CSMD1: variants seen among roughly 807,000 people sequenced by gnomAD.
CSMD1 encodes the protein CUB and sushi domain-containing protein 1.
In CSMD1, 213 loss-of-function variants were observed where a neutral mutation model predicts 417.5. The ratio of observed to expected loss-of-function variants is 0.51; its 90% CI spans 0.46 to 0.57. The LOEUF (loss-of-function observed/expected upper bound fraction) is 0.57. Among genes scored for constraint, CSMD1 ranks in the 20% least tolerant of loss-of-function variants. The pLI is 0.00. For synonymous variants in CSMD1, 2,862 were observed against 1,736.8 expected, an observed-to-expected ratio of 1.65 and a Z score of -16.11; for missense variants, 6,923 against 4,529.7, an observed-to-expected ratio of 1.53 and a Z score of -15.17.
intron 2 of CSMD1, among the ~76,000 whole-genome samples, chr8:4,537,316 G>C (rs969232049): frequency 6.6e-6 from 1 of 152,146 alleles, no homozygotes; most frequent in African/African-American, 2.4e-5. Flanking sequence ...TGCTGTTAAA[G>C]ATGCGACTTA....
At chr8:4,100,495 C>T (rs960758732) in intron 3 of CSMD1, among the ~76,000 whole-genome samples, 1 of 152,126 alleles carries the variant, frequency 6.6e-6, no homozygotes, top group Non-Finnish European at 1.5e-5. Context: ...TTAGTCTCAT[C>T]AACTATAAAA....
intron 3 of CSMD1, among the ~76,000 whole-genome samples, chr8:4,141,096 C>G (rs1352867041): frequency 6.6e-6 from 1 of 151,232 alleles, no homozygotes; most frequent in Admixed American, 6.6e-5. Flanking sequence ...TTCCCATTTT[C>G]AGATCTCATA....
At chr8:4,192,800 A>G (rs539423689) in intron 3 of CSMD1, among the ~76,000 whole-genome samples, 3 of 152,072 alleles carry the variant, frequency 2.0e-5, no homozygotes, top group African/African-American at 4.8e-5. Context: ...CTCAAACACA[A>G]CCTCCTCACT....
At chr8:4,416,692 A>G (rs902057880) in intron 3 of CSMD1, among the ~76,000 whole-genome samples, 3 of 152,110 alleles carry the variant, frequency 2.0e-5, no homozygotes, top group African/African-American at 7.2e-5. Context: ...ATGACCGTGT[A>G]TCACCCAGTC....
intron 2 of CSMD1, among the ~76,000 whole-genome samples, chr8:4,628,246 C>A (rs1404217848): frequency 6.6e-6 from 1 of 151,318 alleles, no homozygotes; most frequent in African/African-American, 2.4e-5. Context: ...ATGAAGGAAA[C>A]TAATTCTTGG....
chr8:3,399,342 G>T, intron 16 of CSMD1, 49 bp downstream of exon 16: 1 of 1,508,226 alleles, frequency 6.6e-7, no homozygotes, highest in South Asian at 1.4e-5. Flanking sequence ...TAAAACTATG[G>T]AAGAGACACA....
At chr8:3,310,700 G>T (rs1329231969) in intron 23 of CSMD1, among the ~76,000 whole-genome samples, 1 of 152,050 alleles carries the variant, frequency 6.6e-6, no homozygotes, top group African/African-American at 2.4e-5. Flanking sequence ...CTTTTTGAGG[G>T]GTGAGGGCCG....
chr8:3,616,930 A>T (rs535783242), intron 7 of CSMD1, 133 bp from the exon 8 acceptor site: 12 of 526,144 alleles, frequency 2.3e-5, no homozygotes, highest in African/African-American at 1.3e-4. Flanking sequence ...GAATTAAGAC[A>T]CCTTAAATAC....
At chr8:3,831,526 A>T (rs548059831) in intron 5 of CSMD1, among the ~76,000 whole-genome samples, 1 of 152,050 alleles carries the variant, frequency 6.6e-6, no homozygotes, top group Non-Finnish European at 1.5e-5. Context: ...TTTGGAGAAC[A>T]GGCTGGAGGA....
chr8:3,361,856 C>T (rs571995106), intron 20 of CSMD1, among the ~76,000 whole-genome samples: 92 of 152,234 alleles, frequency 6.0e-4, no homozygotes, highest in African/African-American at 2.1e-3. Context: ...CCTGAAACAA[C>T]ACCATGAGGT....
intron 11 of CSMD1, among the ~76,000 whole-genome samples, chr8:3,473,930 G>C (rs1452278717): frequency 6.6e-6 from 1 of 152,110 alleles, no homozygotes; most frequent in Non-Finnish European, 1.5e-5. Flanking sequence ...CATGGCAGGA[G>C]GAGAGAGCAT....
chr8:3,536,479 G>C (rs775664525), intron 10 of CSMD1, among the ~76,000 whole-genome samples: 5 of 152,180 alleles, frequency 3.3e-5, no homozygotes, highest in Non-Finnish European at 7.3e-5. Flanking sequence ...TTTCCTCTTT[G>C]ATTAATGGGG....
intron 5 of CSMD1, among the ~76,000 whole-genome samples, chr8:3,852,119 C>G (rs1404586794): frequency 6.6e-6 from 1 of 151,982 alleles, no homozygotes; most frequent in Non-Finnish European, 1.5e-5. Flanking sequence ...CAGGTTGTTG[C>G]AAAAACCATC....
At chr8:4,356,155 C>G (rs1048027888) in intron 3 of CSMD1, among the ~76,000 whole-genome samples, 7 of 152,108 alleles carry the variant, frequency 4.6e-5, no homozygotes, top group Non-Finnish European at 2.9e-5. Context: ...CTTTCTTATG[C>G]CTTTGCATCC....
chr8:3,381,238 T>C (rs952740711), intron 18 of CSMD1, among the ~76,000 whole-genome samples: 1 of 151,466 alleles, frequency 6.6e-6, no homozygotes, highest in Non-Finnish European at 1.5e-5. Flanking sequence ...ACAAGCCCCA[T>C]GTCGGTACCT....
intron 5 of CSMD1, among the ~76,000 whole-genome samples, chr8:3,911,334 C>T (rs1355935869): frequency 1.3e-5 from 2 of 151,092 alleles, no homozygotes; most frequent in Admixed American, 1.3e-4. Flanking sequence ...GCTATATATC[C>T]TAGCTAACAC....
chr8:3,394,056 A>ATG (rs1491514580), intron 17 of CSMD1, among the ~76,000 whole-genome samples: 8 of 119,968 alleles, frequency 6.7e-5, no homozygotes, highest in East Asian at 4.7e-4. Context: ...ATATATATAT[A>ATG]GAAAAAAAGA....
chr8:3,226,558 T>A (rs1296718963), intron 27 of CSMD1, among the ~76,000 whole-genome samples: 1 of 144,820 alleles, frequency 6.9e-6, no homozygotes, highest in Non-Finnish European at 1.5e-5. Context: ...CTCCAGCTTA[T>A]GTGACAGAGC....
intron 1 of CSMD1, among the ~76,000 whole-genome samples, chr8:4,934,772 G>T: frequency 6.6e-6 from 1 of 151,552 alleles, no homozygotes. Context: ...TATACTATAG[G>T]TATCATCTAT....
Sources: allele counts gnomAD v4.1 joint callset (sites outside exome capture counted in the v4.1 genomes callset), GRCh38; gene constraint gnomAD v4.1.1; transcripts MANE v1.5; gene names NCBI Gene and HGNC (gene_info 2026-07-23, HGNC 2026-07-21).